RANBP2: variants seen among roughly 807,000 people sequenced by gnomAD.
RANBP2 encodes RAN binding protein 2, also known as E3 SUMO-protein ligase RanBP2.
A neutral mutation model predicts 303.6 loss-of-function variants in RANBP2; 57 were observed. The observed-to-expected ratio is 0.19, with a 90% confidence interval of 0.15 to 0.23. The LOEUF (loss-of-function observed/expected upper bound fraction) is 0.23, where lower values mean the gene tolerates loss of function less well. Ranked by LOEUF, RANBP2 falls within the 10% of genes least tolerant of loss-of-function variation. The pLI is 1.00. For missense variants in RANBP2, 3,138 were observed against 3,780.8 expected (o/e 0.83, Z 4.46); for synonymous variants, 1,167 against 1,301.5 (o/e 0.90, Z 2.23).
At chr2:109,675,102 C>T in the RANBP2 span, among the ~76,000 whole-genome samples, 4 of 152,092 alleles carry the variant, frequency 2.6e-5, no homozygotes, top group Admixed American at 1.3e-4. Context: ...CCAGTAAGCT[C>T]GACCACAGGC....
the RANBP2 span, among the ~76,000 whole-genome samples, chr2:108,893,954 C>T: frequency 6.6e-6 from 1 of 152,062 alleles, no homozygotes; most frequent in Non-Finnish European, 1.5e-5. Context: ...TTCCCCAATA[C>T]ATATCATTTT....
the RANBP2 span, among the ~76,000 whole-genome samples, chr2:109,643,696 T>C: frequency 6.9e-6 from 1 of 143,970 alleles, no homozygotes; most frequent in Non-Finnish European, 1.5e-5. Flanking sequence ...ACCCAGGAGG[T>C]GGAGGTTGCA....
chr2:109,316,736 G>A, the RANBP2 span, among the ~76,000 whole-genome samples: 5 of 152,268 alleles, frequency 3.3e-5, no homozygotes, highest in Middle Eastern at 3.4e-3. Flanking sequence ...ATAATGCGAT[G>A]TATCCACCAT....
chr2:108,780,431 A>G (rs1453113582), intron 25 of RANBP2, among the ~76,000 whole-genome samples: 1 of 131,194 alleles, frequency 7.6e-6, no homozygotes, highest in Non-Finnish European at 1.6e-5. Flanking sequence ...GTGGGGCGGT[A>G]TCTGATCACT....
the RANBP2 span, among the ~76,000 whole-genome samples, chr2:108,822,949 G>C: frequency 6.6e-6 from 1 of 152,076 alleles, no homozygotes. Context: ...ACTCAAATTA[G>C]AAAGGAAAGA....
At chr2:109,613,393 G>C in the RANBP2 span, 1 of 325,788 alleles carries the variant, frequency 3.1e-6, no homozygotes, top group African/African-American at 2.1e-5. Flanking sequence ...GCTTTCTCCC[G>C]GCGGCAGGGA....
the RANBP2 span, among the ~76,000 whole-genome samples, chr2:109,352,752 A>G: frequency 6.6e-6 from 1 of 152,288 alleles, no homozygotes; most frequent in African/African-American, 2.4e-5. Context: ...TCTGTGCACA[A>G]TGATGCCTCC....
chr2:108,931,241 T>G, the RANBP2 span, among the ~76,000 whole-genome samples: 1 of 152,216 alleles, frequency 6.6e-6, no homozygotes, highest in South Asian at 2.1e-4. Flanking sequence ...CAGCCATGCC[T>G]GGGAGGGAGC....
At chr2:109,116,147 C>T in the RANBP2 span, among the ~76,000 whole-genome samples, 2 of 152,142 alleles carry the variant, frequency 1.3e-5, no homozygotes, top group Non-Finnish European at 2.9e-5. Flanking sequence ...TTGTGGCGTT[C>T]TCTGTATTTC....
At chr2:109,171,141 C>T in the RANBP2 span, among the ~76,000 whole-genome samples, 3 of 152,160 alleles carry the variant, frequency 2.0e-5, no homozygotes, top group African/African-American at 7.2e-5. Context: ...CTAGATCATT[C>T]AGGTTTTGTT....
chr2:108,979,791 TAG>T, the RANBP2 span, among the ~76,000 whole-genome samples: 1 of 152,136 alleles, frequency 6.6e-6, no homozygotes, highest in Non-Finnish European at 1.5e-5. Context: ...GTCCCTTGAA[TAG>T]AGTTTCTTCA....
At chr2:108,962,646 G>A in the RANBP2 span, among the ~76,000 whole-genome samples, 3 of 129,508 alleles carry the variant, frequency 2.3e-5, no homozygotes, top group East Asian at 6.8e-4. Context: ...CTGCCCTCCA[G>A]CCTGGGCGAC....
intron 1 of RANBP2, among the ~76,000 whole-genome samples, chr2:108,728,351 T>C (rs1694895189): frequency 6.6e-6 from 1 of 152,196 alleles, no homozygotes; most frequent in Non-Finnish European, 1.5e-5. Flanking sequence ...TGGAGTGCAG[T>C]GTCACAGTCA....
At chr2:109,452,285 C>T in the RANBP2 span, among the ~76,000 whole-genome samples, 1 of 152,170 alleles carries the variant, frequency 6.6e-6, no homozygotes, top group Non-Finnish European at 1.5e-5. Flanking sequence ...TTCCTGAGCC[C>T]CACCCCTCCA....
At chr2:109,259,624 T>G in the RANBP2 span, among the ~76,000 whole-genome samples, 1 of 152,246 alleles carries the variant, frequency 6.6e-6, no homozygotes, top group African/African-American at 2.4e-5. Context: ...TATGGAGAAG[T>G]TGGTGACAGG....
the RANBP2 span, chr2:109,449,148 G>C: frequency 6.2e-7 from 1 of 1,608,958 alleles, no homozygotes; most frequent in South Asian, 1.1e-5. Context: ...TCAACCTGCT[G>C]TCTCTCCAAC....
chr2:109,660,577 A>G, the RANBP2 span, among the ~76,000 whole-genome samples: 1 of 152,222 alleles, frequency 6.6e-6, no homozygotes, highest in African/African-American at 2.4e-5. Flanking sequence ...CTGAGCCTAC[A>G]GGGAGGCATC....
chr2:109,186,659 AC>A, the RANBP2 span, among the ~76,000 whole-genome samples: 1 of 152,176 alleles, frequency 6.6e-6, no homozygotes, highest in African/African-American at 2.4e-5. Flanking sequence ...CCCTAGGAAG[AC>A]CCTGCGGGAA....
At chr2:109,612,770 T>G in the RANBP2 span, among the ~76,000 whole-genome samples, 50 of 152,172 alleles carry the variant, frequency 3.3e-4, no homozygotes, top group African/African-American at 1.1e-3. Context: ...GACAGAAAAT[T>G]TGAGATTTTT....
Sources: gnomAD v4.1 joint callset for allele counts (sites outside exome capture counted in the v4.1 genomes callset) on GRCh38, gnomAD v4.1.1 for gene constraint, MANE v1.5 for transcripts, NCBI Gene and HGNC (gene_info 2026-07-23, HGNC 2026-07-21) for gene names.